Variants in CDH4 observed in about 807,000 individuals in gnomAD.
The protein encoded by CDH4 is cadherin-4.
A neutral mutation model predicts 86.0 loss-of-function variants in CDH4; 33 were observed. That is an observed-to-expected ratio of 0.38 (90% CI 0.29 to 0.51). CDH4 has a LOEUF of 0.51. CDH4 is among the 20% of genes least tolerant of loss of function. The pLI, the probability that CDH4 is intolerant of heterozygous loss-of-function variation, is 0.86. For missense variants in CDH4, 1,114 were observed against 1,307.4 expected, an observed-to-expected ratio of 0.85 and a Z score of 2.28; for synonymous variants, 555 against 549.4, an observed-to-expected ratio of 1.01 and a Z score of -0.14.
intron 2 of CDH4, among the ~76,000 whole-genome samples, chr20:61,337,558 G>A: frequency 6.6e-6 from 1 of 152,004 alleles, no homozygotes; most frequent in East Asian, 1.9e-4. Flanking sequence ...GGTGGTGATG[G>A]TGTATAGATA....
intron 4 of CDH4, among the ~76,000 whole-genome samples, chr20:61,822,330 G>T (rs1273169734): frequency 1.3e-5 from 2 of 152,204 alleles, no homozygotes; most frequent in Non-Finnish European, 2.9e-5. Context: ...TCTGATGAGA[G>T]CAATAATGTG....
At chr20:61,722,518 C>T (rs2088053990) in intron 2 of CDH4, among the ~76,000 whole-genome samples, 1 of 152,198 alleles carries the variant, frequency 6.6e-6, no homozygotes, top group Admixed American at 6.5e-5. Flanking sequence ...CCAGGAGGGG[C>T]CTTACCAGGC....
At chr20:61,305,736 A>T (rs577605655) in intron 2 of CDH4, among the ~76,000 whole-genome samples, 1 of 152,280 alleles carries the variant, frequency 6.6e-6, no homozygotes, top group Admixed American at 6.5e-5. Context: ...GATCGAAGGG[A>T]GCCACCTTGA....
intron 4 of CDH4, among the ~76,000 whole-genome samples, chr20:61,788,349 G>A (rs1394059275): frequency 6.6e-6 from 1 of 152,168 alleles, no homozygotes; most frequent in African/African-American, 2.4e-5. Context: ...GGGGAGGGCT[G>A]GGGGTGCAGA....
chr20:61,393,673 G>T lies in CDH4; in HGVS notation c.169+138736G>T, dbSNP rs1018487313. 6.6e-6 allele frequency among the ~76,000 whole-genome samples: 1 copy of T among 152,120 alleles called. No individual in the cohort carries two copies. Among genetic ancestry groups the T allele is most frequent in the East Asian group, 1.9e-4 (1 of 5,158 alleles). On this transcript the variant is annotated intron_variant, in intron 2 of 15. Coordinates refer to ENST00000614565, the MANE Select transcript of CDH4 (RefSeq NM_001794.5). This position sits in a 1 kb window ranked among gnomAD's most constrained non-coding sequence, Gnocchi z 4.3. The stretch of plus-strand genomic sequence containing the variant: ...AGCGAGGATCATCGAAGTAGACCTG[G>T]CTGGGTGAGAGTCACTGCAGCCCCT...
At chr20:61,634,348 T>C (rs1466394433) in intron 2 of CDH4, among the ~76,000 whole-genome samples, 4 of 152,132 alleles carry the variant, frequency 2.6e-5, no homozygotes, top group Non-Finnish European at 5.9e-5. Context: ...AAAGGGAGGA[T>C]GAGACAGTCC....
intron 2 of CDH4, among the ~76,000 whole-genome samples, chr20:61,519,451 G>A (rs73150278): frequency 0.084 from 12,839 of 152,306 alleles, 637 homozygotes; most frequent in Non-Finnish European, 0.12. Context: ...CTGTGCAAAA[G>A]CCTTTTTGAC....
intron 2 of CDH4, among the ~76,000 whole-genome samples, chr20:61,283,632 T>C (rs1278793033): frequency 6.6e-6 from 1 of 152,172 alleles, no homozygotes; most frequent in Admixed American, 6.5e-5. Flanking sequence ...TGCTGTGGTG[T>C]GTGTGTGGTG....
chr20:61,319,705 G>GGA (rs2084497574), intron 2 of CDH4, among the ~76,000 whole-genome samples: 1 of 152,030 alleles, frequency 6.6e-6, no homozygotes, highest in Admixed American at 6.6e-5. Context: ...CAGCACTTTG[G>GGA]GAGGTGGAGG....
intron 2 of CDH4, among the ~76,000 whole-genome samples, chr20:61,593,236 C>T (rs1323532006): frequency 6.6e-6 from 1 of 152,232 alleles, no homozygotes; most frequent in Non-Finnish European, 1.5e-5. Flanking sequence ...TTTGTCCGTC[C>T]TTGCCTGGGC....
At position 61,332,499 on chromosome 20, in the gene CDH4, G is replaced by A. The variant is rs1478158087; in HGVS notation, c.169+77562G>A. ...GGTCTCCTTCTGGTTTCTGATCTAC[G>A]GTAGGGGGATTCTTGGTGCATCCCC... On this transcript the variant is annotated intron_variant, in intron 2 of 15. Coordinates refer to ENST00000614565, the MANE Select transcript of CDH4 (RefSeq NM_001794.5). 3.3e-5 allele frequency among the ~76,000 whole-genome samples: 5 copies of A among 152,336 alleles called. No homozygotes were observed. The East Asian group carries it at 5.8e-4, about 18-fold the overall frequency.
At position 61,868,663 on chromosome 20, in the gene CDH4, G is replaced by A. The variant is rs138900951; in HGVS notation, c.878-5065G>A. 9.6e-3 allele frequency among the ~76,000 whole-genome samples: 1,439 copies of A among 149,882 alleles called. 23 individuals carry two copies. Among genetic ancestry groups the A allele is most frequent in the African/African-American group, 0.031 (1,257 of 40,880 alleles). On this transcript the variant is annotated intron_variant, in intron 6 of 15. Transcript: ENST00000614565. ...CTAAGCGGTGTCCTCCATGCTGGGC[G>A]GATGTCCCCTCCACACTGGCCGGGT...
chr20:61,680,414 G>T (rs2087499081), intron 2 of CDH4, among the ~76,000 whole-genome samples: 1 of 152,254 alleles, frequency 6.6e-6, no homozygotes, highest in African/African-American at 2.4e-5. Context: ...CCTGGCCAGG[G>T]CCTCCATTCA....
intron 4 of CDH4, among the ~76,000 whole-genome samples, chr20:61,788,159 G>A (rs11905534): frequency 0.054 from 8,257 of 152,236 alleles, 713 homozygotes; most frequent in African/African-American, 0.19. Context: ...GTCCCGCCCA[G>A]TAAAACAGCT....
intron 4 of CDH4, among the ~76,000 whole-genome samples, chr20:61,797,714 G>A (rs575773015): frequency 4.6e-5 from 7 of 152,296 alleles, no homozygotes; most frequent in Admixed American, 1.3e-4. Flanking sequence ...TTGAGCACAG[G>A]AATTCAAGGC....
chr20:61,503,975 A>G (rs560725967), intron 2 of CDH4, among the ~76,000 whole-genome samples: 1 of 152,290 alleles, frequency 6.6e-6, no homozygotes, highest in South Asian at 2.1e-4. Context: ...GCCTTTGCTT[A>G]TGGTCTGGTT....
chr20:61,380,347 C>T (rs1015530190), intron 2 of CDH4, among the ~76,000 whole-genome samples: 1 of 152,172 alleles, frequency 6.6e-6, no homozygotes, highest in Non-Finnish European at 1.5e-5. Flanking sequence ...GCAGATGAAT[C>T]ACACTCTACA....
At chr20:61,407,018 G>C (rs935429888) in intron 2 of CDH4, among the ~76,000 whole-genome samples, 1 of 150,348 alleles carries the variant, frequency 6.7e-6, no homozygotes, top group Non-Finnish European at 1.5e-5. Context: ...ACCACCATCT[G>C]CTCTGCCTGG....
At chr20:61,366,718 G>A (rs1477328357) in intron 2 of CDH4, among the ~76,000 whole-genome samples, 1 of 152,194 alleles carries the variant, frequency 6.6e-6, no homozygotes, top group Non-Finnish European at 1.5e-5. Context: ...GTGGTTTTCC[G>A]CCCTGGGTGG....
Sources: gnomAD v4.1 joint callset for allele counts (sites outside exome capture counted in the v4.1 genomes callset) on GRCh38, gnomAD v4.1.1 for gene constraint, Gnocchi (gnomAD v3.1) non-coding constraint, MANE v1.5 for transcripts, NCBI Gene and HGNC (gene_info 2026-07-23, HGNC 2026-07-21) for gene names.